Variants in ZNF75D observed in about 807,000 individuals in gnomAD.
The protein encoded by ZNF75D is zinc finger protein 75.
ZNF75D carries 33 observed loss-of-function variants against 33.3 expected under a neutral mutation model. The observed-to-expected ratio is 0.99, with a 90% CI of 0.75 to 1.32. The LOEUF (loss-of-function observed/expected upper bound fraction) is 1.32, where lower values mean the gene tolerates loss of function less well. Among genes scored for constraint, ZNF75D ranks in the 40% most tolerant of loss-of-function variants. The probability of loss-of-function intolerance (pLI) is 0.00; values close to 1 mark genes in which losing one functional copy is unlikely to be tolerated. For synonymous variants in ZNF75D, 113 were observed against 130.6 expected (o/e 0.87, Z 0.92); for missense variants, 338 against 367.5 (o/e 0.92, Z 0.66).
chrX:135,258,498 G>C (rs1362165652), intron 1 of ZNF75D, among the ~76,000 whole-genome samples: 1 of 111,634 alleles, frequency 9.0e-6, no homozygotes, highest in East Asian at 2.8e-4. Context: ...TAACTGGTGT[G>C]AGATGGTATC....
At chrX:135,321,636 T>C (rs782402605) in intron 1 of ZNF75D, among the ~76,000 whole-genome samples, 1 of 111,847 alleles carries the variant, frequency 8.9e-6, no homozygotes, top group Admixed American at 9.4e-5. Context: ...TTGTGTCAGA[T>C]TTGGGGAATG....
intron 1 of ZNF75D, among the ~76,000 whole-genome samples, chrX:135,280,758 T>C (rs782436462): frequency 3.6e-5 from 4 of 111,814 alleles, no homozygotes; most frequent in Non-Finnish European, 7.5e-5. Flanking sequence ...GCTTAGTTTG[T>C]CTGGATATGA....
chrX:135,264,441 A>C (rs781989265), intron 1 of ZNF75D, among the ~76,000 whole-genome samples: 1 of 111,741 alleles, frequency 8.9e-6, no homozygotes, highest in African/African-American at 3.3e-5. Flanking sequence ...CCCAGTCTGC[A>C]TAGACTACAA....
intron 1 of ZNF75D, among the ~76,000 whole-genome samples, chrX:135,330,181 G>A (rs1167131125): frequency 8.9e-6 from 1 of 111,817 alleles, no homozygotes; most frequent in African/African-American, 3.3e-5. Context: ...AAATAGTATC[G>A]TTGGCATTTT....
At position 135,277,067 on chromosome X, in the gene ZNF75D, ACT is replaced by A. The variant is rs2083901833; in HGVS notation, n.828-21292_828-21291del. 3.6e-5 allele frequency among the ~76,000 whole-genome samples: 4 copies of A among 112,212 alleles called. No individual in the cohort carries two copies. In the South Asian group the frequency reaches 1.5e-3, roughly 42 times the overall value. ...TTCTAGATCCTTGAGGAATCACCAC[ACT>A]GTCTTCCACAATGGTTGAACTAATT... On this transcript the variant is annotated intron_variant and non_coding_transcript_variant, in intron 1 of 3. Transcript: ENST00000494295.
intron 1 of ZNF75D, among the ~76,000 whole-genome samples, chrX:135,321,394 C>A (rs2084493354): frequency 8.9e-6 from 1 of 111,944 alleles, no homozygotes; most frequent in Non-Finnish European, 1.9e-5. Context: ...AGAATTGTTT[C>A]TTTTGATTAA....
At chrX:135,318,456 T>C (rs1298698155) in intron 1 of ZNF75D, among the ~76,000 whole-genome samples, 1 of 111,440 alleles carries the variant, frequency 9.0e-6, no homozygotes, top group Non-Finnish European at 1.9e-5. Context: ...TGAGAAACAG[T>C]AGGACAATTT....
intron 1 of ZNF75D, among the ~76,000 whole-genome samples, chrX:135,307,544 A>T (rs2084303970): frequency 8.9e-6 from 1 of 111,853 alleles, no homozygotes; most frequent in African/African-American, 3.3e-5. Context: ...CAATGTAGTT[A>T]TTCTAGATCA....
intron 1 of ZNF75D, among the ~76,000 whole-genome samples, chrX:135,336,396 C>T (rs1178366392): frequency 8.9e-6 from 1 of 112,953 alleles, no homozygotes; most frequent in Non-Finnish European, 1.9e-5. Context: ...ATAATATGCA[C>T]GAACATGTTC....
chrX:135,326,786 C>T (rs926525825), intron 1 of ZNF75D, among the ~76,000 whole-genome samples: 4 of 111,222 alleles, frequency 3.6e-5, no homozygotes, highest in Non-Finnish European at 5.7e-5. Flanking sequence ...TAACACTCAC[C>T]GCGAAGGTCT....
intron 1 of ZNF75D, among the ~76,000 whole-genome samples, chrX:135,280,506 A>C (rs782672888): frequency 1.8e-5 from 2 of 111,576 alleles, no homozygotes; most frequent in Non-Finnish European, 3.8e-5. Flanking sequence ...TAATATTTTT[A>C]TGTGTGAATT....
At chrX:135,259,693 A>ATTTTG (rs2083829690) in intron 1 of ZNF75D, among the ~76,000 whole-genome samples, 1 of 111,745 alleles carries the variant, frequency 8.9e-6, no homozygotes, top group African/African-American at 3.3e-5. Flanking sequence ...GAGATTTTGG[A>ATTTTG]CTGAGACGAT....
At chrX:135,325,596 G>A (rs968190630) in intron 1 of ZNF75D, among the ~76,000 whole-genome samples, 1 of 112,571 alleles carries the variant, frequency 8.9e-6, no homozygotes. Flanking sequence ...CGTAGCACCC[G>A]GGCCAGCGGC....
At chrX:135,296,525 G>C (rs2084132831) in intron 1 of ZNF75D, among the ~76,000 whole-genome samples, 1 of 111,786 alleles carries the variant, frequency 8.9e-6, no homozygotes, top group Admixed American at 9.4e-5. Context: ...GGGCCTTCCT[G>C]AGTCCCAGCC....
intron 1 of ZNF75D, among the ~76,000 whole-genome samples, chrX:135,259,004 T>G (rs782613414): frequency 1.2e-4 from 13 of 112,396 alleles, no homozygotes; most frequent in African/African-American, 3.6e-4. Flanking sequence ...GTTTCAGCTT[T>G]CTACATATGG....
At chrX:135,260,367 T>A (rs1298665374) in intron 1 of ZNF75D, among the ~76,000 whole-genome samples, 1 of 112,241 alleles carries the variant, frequency 8.9e-6, no homozygotes, top group East Asian at 2.8e-4. Flanking sequence ...TCAGAAGGAA[T>A]GGTACCAGCT....
At chrX:135,260,777 G>GT (rs1334303925) in intron 1 of ZNF75D, among the ~76,000 whole-genome samples, 1 of 111,498 alleles carries the variant, frequency 9.0e-6, no homozygotes, top group Non-Finnish European at 1.9e-5. Flanking sequence ...TTTTTGAAGG[G>GT]TTTTTTGTGT....
chrX:135,317,033 C>T lies in ZNF75D; in HGVS notation c.-390-20994G>A, dbSNP rs191995186. 8.0e-3 allele frequency among the ~76,000 whole-genome samples: 883 copies of T among 110,980 alleles called. 23 individuals are homozygous for T. The East Asian group carries it at 0.092, about 12-fold the overall frequency. On this transcript the variant is annotated intron_variant, in intron 1 of 6. Coordinates refer to ENST00000370766, the MANE Select transcript of ZNF75D (RefSeq NM_007131.5). ...CTTTTGGAGGTGTCATGTTTCCTTGCTTTTTCGTGTTTCCTGCGTCCTTAC... is the reference window on the plus strand; with the variant it reads ...CTTTTGGAGGTGTCATGTTTCCTTGTTTTTTCGTGTTTCCTGCGTCCTTAC...
At chrX:135,337,263 C>T (rs1556442718) in intron 1 of ZNF75D, among the ~76,000 whole-genome samples, 2 of 111,884 alleles carry the variant, frequency 1.8e-5, no homozygotes, top group African/African-American at 3.3e-5. Context: ...ACAGTCATTA[C>T]ACTGTTATTA....
Sources: allele counts gnomAD v4.1 joint callset (sites outside exome capture counted in the v4.1 genomes callset), GRCh38; gene constraint gnomAD v4.1.1; transcripts MANE v1.5; gene names NCBI Gene and HGNC (gene_info 2026-07-23, HGNC 2026-07-21).